Variants in MTFR1 observed in about 807,000 individuals in gnomAD.
MTFR1 encodes the protein chondrocyte protein with a poly-proline region.
A neutral mutation model predicts 38.8 loss-of-function variants in MTFR1; 28 were observed. That is an observed-to-expected ratio of 0.72 (90% CI 0.53 to 0.99). MTFR1 has a LOEUF of 0.99. Among genes scored for constraint, MTFR1 ranks in the 50% least tolerant of loss-of-function variants. The pLI, the probability that MTFR1 is intolerant of heterozygous loss-of-function variation, is 0.00. For missense variants in MTFR1, 358 were observed against 395.5 expected (o/e 0.91, Z 0.81); for synonymous variants, 145 against 137.0 (o/e 1.06, Z -0.41).
At chr8:65,722,362 T>C (rs967464087) in intron 3 of MTFR1, 5 of 152,326 alleles carry the variant, frequency 3.3e-5, no homozygotes, top group African/African-American at 9.6e-5. Flanking sequence ...TGAGTATCCA[T>C]TGCAATCACA....
At chr8:65,740,102 G>T (rs1807341536) in intron 3 of MTFR1, among the ~76,000 whole-genome samples, 1 of 149,254 alleles carries the variant, frequency 6.7e-6, no homozygotes, top group East Asian at 2.0e-4. Flanking sequence ...AAGATCATCA[G>T]GATTAAAAAC....
chr8:65,662,984 G>C (rs908491244), intron 1 of MTFR1, among the ~76,000 whole-genome samples: 1 of 152,008 alleles, frequency 6.6e-6, no homozygotes, highest in Non-Finnish European at 1.5e-5. Context: ...CCCCTACTGG[G>C]AAGGGAGGAG....
chr8:65,689,095 A>G (rs1805193444), intron 3 of MTFR1, among the ~76,000 whole-genome samples: 1 of 152,218 alleles, frequency 6.6e-6, no homozygotes, highest in Non-Finnish European at 1.5e-5. Flanking sequence ...CAGTGAACTG[A>G]GATTGCGCCA....
intron 7 of MTFR1, 55 bp from the exon 8 acceptor site, chr8:65,708,921 A>G: frequency 6.4e-7 from 1 of 1,558,342 alleles, no homozygotes; most frequent in African/African-American, 1.4e-5. Context: ...GTGGGGGCGT[A>G]TCGTTACTGT....
intron 3 of MTFR1, among the ~76,000 whole-genome samples, chr8:65,746,609 A>C (rs1807688069): frequency 6.6e-6 from 1 of 152,162 alleles, no homozygotes; most frequent in Non-Finnish European, 1.5e-5. Context: ...AAAAAAACTT[A>C]TATTTTATAT....
intron 3 of MTFR1, among the ~76,000 whole-genome samples, chr8:65,731,996 T>C: frequency 6.6e-6 from 1 of 151,838 alleles, no homozygotes; most frequent in African/African-American, 2.4e-5. Flanking sequence ...ATTGTTGTTG[T>C]TGTTGTTGTT....
chr8:65,648,784 A>AAT (rs1452254240), intron 1 of MTFR1, among the ~76,000 whole-genome samples: 2 of 152,140 alleles, frequency 1.3e-5, no homozygotes, highest in Non-Finnish European at 2.9e-5. Context: ...TGTACATATA[A>AAT]ATATATATAT....
intron 3 of MTFR1, among the ~76,000 whole-genome samples, chr8:65,686,473 G>A (rs750331513): frequency 6.6e-6 from 1 of 151,432 alleles, no homozygotes; most frequent in Non-Finnish European, 1.5e-5. Context: ...TCAGGAAGCT[G>A]AGGCAGGAGA....
At chr8:65,668,293 T>C (rs1271627234) in intron 1 of MTFR1, among the ~76,000 whole-genome samples, 1 of 149,094 alleles carries the variant, frequency 6.7e-6, no homozygotes, top group Non-Finnish European at 1.5e-5. Context: ...TTTTCCTGCC[T>C]CAGCCTCCTG....
At chr8:65,763,744 T>A (rs768109993) in intron 3 of MTFR1, among the ~76,000 whole-genome samples, 1 of 152,172 alleles carries the variant, frequency 6.6e-6, no homozygotes, top group Non-Finnish European at 1.5e-5. Flanking sequence ...GAAAGAAAGA[T>A]GAAAAGCAAA....
intron 3 of MTFR1, among the ~76,000 whole-genome samples, chr8:65,733,940 T>C (rs1365073629): frequency 6.6e-6 from 1 of 152,176 alleles, no homozygotes; most frequent in Non-Finnish European, 1.5e-5. Context: ...GCAGACATAA[T>C]TGCAGAACTG....
intron 3 of MTFR1, among the ~76,000 whole-genome samples, chr8:65,760,202 T>C (rs1808425780): frequency 6.6e-6 from 1 of 152,138 alleles, no homozygotes; most frequent in East Asian, 1.9e-4. Context: ...ATCGTGCTAC[T>C]GCACTCCAGC....
chr8:65,716,528 G>A (rs1430255583), intron 2 of MTFR1, among the ~76,000 whole-genome samples: 1 of 152,084 alleles, frequency 6.6e-6, no homozygotes, highest in Non-Finnish European at 1.5e-5. Flanking sequence ...CAGAAGACAT[G>A]GGTCTTCTGT....
chr8:65,701,482 T>A (rs1323444224), intron 4 of MTFR1, among the ~76,000 whole-genome samples: 1 of 152,234 alleles, frequency 6.6e-6, no homozygotes. Context: ...ATTAATATAT[T>A]AATTTCTAGT....
At chr8:65,773,477 T>A (rs1241929528), downstream of MTFR1, among the ~76,000 whole-genome samples, 1 of 152,192 alleles carries the variant, frequency 6.6e-6, no homozygotes, top group Non-Finnish European at 1.5e-5. Flanking sequence ...GTGTTCTAAA[T>A]ACCATACTAC....
intron 3 of MTFR1, chr8:65,725,205 T>TA (rs986341682): frequency 2.0e-3 from 410 of 207,264 alleles, no homozygotes; most frequent in East Asian, 3.2e-3. Context: ...TTATTTGCTT[T>TA]AAAAAAAAAA....
chr8:65,777,153 A>G, the MTFR1 span, among the ~76,000 whole-genome samples: 30 of 146,436 alleles, frequency 2.0e-4, 1 homozygote, highest in East Asian at 4.1e-3. Flanking sequence ...AATCCTGGCT[A>G]ACCGCAACCT....
intron 3 of MTFR1, chr8:65,724,977 G>T: frequency 8.4e-7 from 1 of 1,191,664 alleles, no homozygotes; most frequent in South Asian, 1.7e-5. Flanking sequence ...ACTATTTATT[G>T]ATTTTTTTTC....
chr8:65,776,320 G>A, the MTFR1 span, among the ~76,000 whole-genome samples: 2 of 152,134 alleles, frequency 1.3e-5, no homozygotes, highest in African/African-American at 4.8e-5. Flanking sequence ...TCTATTGTCA[G>A]TCCTTGAATT....
Sources: allele counts gnomAD v4.1 joint callset (sites outside exome capture counted in the v4.1 genomes callset), GRCh38; gene constraint gnomAD v4.1.1; transcripts MANE v1.5; gene names NCBI Gene and HGNC (gene_info 2026-07-23, HGNC 2026-07-21).